Variants in SMYD3 observed in about 807,000 individuals in gnomAD.
SMYD3 encodes the protein histone-lysine N-methyltransferase SMYD3.
In SMYD3, 36 loss-of-function variants were observed where a neutral mutation model predicts 57.7. That is an observed-to-expected ratio of 0.62 (90% CI 0.48 to 0.82). The LOEUF is 0.82. SMYD3 is among the 40% of genes least tolerant of loss of function. The pLI, the probability that SMYD3 is intolerant of heterozygous loss-of-function variation, is 0.00. For synonymous variants in SMYD3, 211 were observed against 195.0 expected (o/e 1.08, Z -0.68); for missense variants, 515 against 538.8 (o/e 0.96, Z 0.44).
chr1:246,362,719 TC>T, intron 1 of SMYD3, among the ~76,000 whole-genome samples: 1 of 152,388 alleles, frequency 6.6e-6, no homozygotes, highest in South Asian at 2.1e-4. Context: ...AGCCTCGGCC[TC>T]CCGGAGGTGC....
intron 5 of SMYD3, among the ~76,000 whole-genome samples, chr1:245,945,208 G>A (rs1244206558): frequency 6.6e-6 from 1 of 152,144 alleles, no homozygotes; most frequent in African/African-American, 2.4e-5. Context: ...CAGAATGGAA[G>A]AAAATGTTTG....
intron 5 of SMYD3, among the ~76,000 whole-genome samples, chr1:246,276,132 G>A (rs12759715): frequency 2.7e-5 from 3 of 110,090 alleles, no homozygotes; most frequent in Admixed American, 9.2e-5. Context: ...AACACTGGCA[G>A]GTTATTTAAT....
chr1:246,119,796 G>A (rs1478648192), intron 5 of SMYD3, among the ~76,000 whole-genome samples: 1 of 152,122 alleles, frequency 6.6e-6, no homozygotes. Context: ...CTCCTGCCAT[G>A]TACGACATAC....
At chr1:245,894,364 G>A (rs1412275882) in intron 8 of SMYD3, among the ~76,000 whole-genome samples, 1 of 152,042 alleles carries the variant, frequency 6.6e-6, no homozygotes, top group African/African-American at 2.4e-5. Context: ...ACATGGGTGG[G>A]GACAAATAAG....
At chr1:246,074,051 G>GT (rs1360020316) in intron 5 of SMYD3, among the ~76,000 whole-genome samples, 1 of 152,122 alleles carries the variant, frequency 6.6e-6, no homozygotes, top group Non-Finnish European at 1.5e-5. Context: ...TAAAACATAA[G>GT]TTTTTTTGTG....
At chr1:245,873,179 G>A (rs1467989204) in intron 8 of SMYD3, among the ~76,000 whole-genome samples, 1 of 152,144 alleles carries the variant, frequency 6.6e-6, no homozygotes, top group Non-Finnish European at 1.5e-5. Context: ...AAACACACAT[G>A]AATACATTTA....
chr1:246,452,708 A>G (rs1211101909), intron 1 of SMYD3, among the ~76,000 whole-genome samples: 14 of 152,224 alleles, frequency 9.2e-5, no homozygotes, highest in Admixed American at 9.2e-4. Context: ...TTATATGACC[A>G]TCTAAGTAGA....
intron 5 of SMYD3, among the ~76,000 whole-genome samples, chr1:246,255,821 G>A (rs774734677): frequency 1.4e-5 from 2 of 147,442 alleles, no homozygotes; most frequent in Non-Finnish European, 3.0e-5. Flanking sequence ...CTGATTCAAT[G>A]TCAGAACTCA....
chr1:246,419,665 C>T lies in SMYD3; in HGVS notation c.165-64571G>A, dbSNP rs146841969. On this transcript the variant is annotated intron_variant, in intron 1 of 11. Coordinates refer to ENST00000490107, the MANE Select transcript of SMYD3 (RefSeq NM_001167740.2). ...CACACTCTTCCCTTCCCAGCACTCC[C>T]GTATCACAGTCAGTGGTGGCACTGG... Among the ~76,000 whole-genome samples, 8 of 152,308 alleles carry T rather than the reference C, an allele frequency of 5.3e-5. No individual in the cohort carries two copies. In the East Asian group the frequency reaches 9.7e-4, roughly 18 times the overall value.
At chr1:246,111,529 G>A (rs2061242095) in intron 5 of SMYD3, 1 of 152,194 alleles carries the variant, frequency 6.6e-6, no homozygotes, top group Non-Finnish European at 1.5e-5. Context: ...GTCTACTCAA[G>A]GTGTGTATCT....
chr1:246,265,306 A>ATT lies in SMYD3; in HGVS notation c.531+61893_531+61894dup, dbSNP rs78360899. ...GCCAACATACCCAGCTAATTTTTGT[A>ATT]TTTTTTTTTTTTGTAATAGACAGGG... On this transcript the variant is annotated intron_variant, in intron 5 of 11. Transcript: ENST00000490107. 1.0e-3 allele frequency among the ~76,000 whole-genome samples: 149 copies of ATT among 148,260 alleles called. 1 individual carries two copies. Among genetic ancestry groups the ATT allele is most frequent in the African/African-American group, 3.5e-3 (142 of 40,132 alleles).
intron 5 of SMYD3, among the ~76,000 whole-genome samples, chr1:246,192,319 T>C (rs893693298): frequency 3.3e-5 from 5 of 152,236 alleles, no homozygotes; most frequent in African/African-American, 1.2e-4. Context: ...AGAGGTTTAA[T>C]TGAAGAAATT....
chr1:245,846,208 C>T (rs574846977), intron 10 of SMYD3, among the ~76,000 whole-genome samples: 12 of 152,148 alleles, frequency 7.9e-5, no homozygotes, highest in Admixed American at 2.0e-4. Context: ...AGAAAAAGAA[C>T]GCAAGAGCAA....
chr1:246,036,335 G>A (rs1158760251), intron 5 of SMYD3, among the ~76,000 whole-genome samples: 4 of 152,116 alleles, frequency 2.6e-5, no homozygotes, highest in Non-Finnish European at 5.9e-5. Flanking sequence ...ATTTTAATCA[G>A]TATTCAAAAG....
intron 2 of SMYD3, among the ~76,000 whole-genome samples, chr1:246,346,993 A>G (rs557633724): frequency 1.9e-4 from 29 of 152,326 alleles, no homozygotes; most frequent in African/African-American, 6.5e-4. Flanking sequence ...CTAAAAACCA[A>G]GAAGAACTGC....
chr1:245,980,867 C>T (rs970089443), intron 5 of SMYD3, among the ~76,000 whole-genome samples: 7 of 152,190 alleles, frequency 4.6e-5, no homozygotes, highest in African/African-American at 1.7e-4. Flanking sequence ...CATGGTACCT[C>T]GGCCACTGTT....
intron 5 of SMYD3, among the ~76,000 whole-genome samples, chr1:246,106,949 G>A (rs4654197): frequency 0.63 from 96,440 of 151,982 alleles, 32,247 homozygotes; most frequent in Non-Finnish European, 0.73. Context: ...TAGGGTTGGT[G>A]TGAACGTGAA....
chr1:246,255,038 G>C (rs1269573528), intron 5 of SMYD3, among the ~76,000 whole-genome samples: 2 of 152,110 alleles, frequency 1.3e-5, no homozygotes, highest in Non-Finnish European at 2.9e-5. Context: ...TGGAGTCTTT[G>C]GGACTTTACA....
At chr1:245,908,615 T>A (rs2054747188) in intron 8 of SMYD3, among the ~76,000 whole-genome samples, 1 of 152,218 alleles carries the variant, frequency 6.6e-6, no homozygotes, top group Non-Finnish European at 1.5e-5. Flanking sequence ...TTTTAGAAAC[T>A]GAGATCATAT....
Sources: allele counts gnomAD v4.1 joint callset (sites outside exome capture counted in the v4.1 genomes callset), GRCh38; gene constraint gnomAD v4.1.1; transcripts MANE v1.5; gene names NCBI Gene and HGNC (gene_info 2026-07-23, HGNC 2026-07-21).